Variants in NEBL observed in about 807,000 individuals in gnomAD.
NEBL encodes LIM and SH3 protein 2.
In NEBL, 122 loss-of-function variants were observed where a neutral mutation model predicts 140.2. The ratio of observed to expected loss-of-function variants is 0.87; its 90% CI spans 0.75 to 1.01. The LOEUF (loss-of-function observed/expected upper bound fraction) is 1.01, where lower values mean the gene tolerates loss of function less well. Ranked by LOEUF, NEBL falls within the 50% of genes least tolerant of loss-of-function variation. The probability of loss-of-function intolerance (pLI) is 0.00; values close to 1 mark genes in which losing one functional copy is unlikely to be tolerated. For synonymous variants in NEBL, 436 were observed against 398.9 expected (o/e 1.09, Z -1.11); for missense variants, 1,365 against 1,231.3 (o/e 1.11, Z -1.62).
chr10:20,834,255 G>A (rs1840682819), intron 14 of NEBL, among the ~76,000 whole-genome samples: 1 of 152,044 alleles, frequency 6.6e-6, no homozygotes, highest in Non-Finnish European at 1.5e-5. Context: ...ACATGTGTAT[G>A]TTTATCTATA....
intron 3 of NEBL, among the ~76,000 whole-genome samples, chr10:21,247,135 G>A (rs1190595512): frequency 6.6e-6 from 1 of 152,026 alleles, no homozygotes; most frequent in Non-Finnish European, 1.5e-5. Flanking sequence ...GTTTCCTGAG[G>A]ACTCCCCCGC....
chr10:20,819,210 C>T (rs1368169836), intron 20 of NEBL: 1 of 921,744 alleles, frequency 1.1e-6, no homozygotes, highest in East Asian at 3.1e-5. Flanking sequence ...GATCCTCTCC[C>T]TCCTCCCATC....
chr10:20,791,997 A>T (rs948196471), intron 26 of NEBL, among the ~76,000 whole-genome samples: 4 of 152,150 alleles, frequency 2.6e-5, no homozygotes, highest in African/African-American at 4.8e-5. Flanking sequence ...TTGAACAGGA[A>T]GGCAGCAAAA....
chr10:21,070,660 C>G (rs1835777279), intron 2 of NEBL, among the ~76,000 whole-genome samples: 1 of 152,086 alleles, frequency 6.6e-6, no homozygotes, highest in Non-Finnish European at 1.5e-5. Flanking sequence ...ATTAAATCTT[C>G]TATGTTATTT....
At chr10:21,108,013 T>G (rs11523372) in intron 2 of NEBL, among the ~76,000 whole-genome samples, 16,330 of 152,220 alleles carry the variant, frequency 0.11, 925 homozygotes, top group South Asian at 0.14. Context: ...TCGGTGGTGA[T>G]ATCCCCTTTA....
At chr10:21,239,472 G>C (rs540927980) in intron 3 of NEBL, among the ~76,000 whole-genome samples, 3 of 152,072 alleles carry the variant, frequency 2.0e-5, no homozygotes, top group African/African-American at 7.2e-5. Context: ...TCTCACTCCT[G>C]CCTTAGTCTT....
chr10:20,921,882 C>T (rs1442722450), intron 4 of NEBL, among the ~76,000 whole-genome samples: 1 of 152,116 alleles, frequency 6.6e-6, no homozygotes, highest in East Asian at 1.9e-4. Flanking sequence ...TTCATATATA[C>T]ACAAACATAT....
intron 4 of NEBL, among the ~76,000 whole-genome samples, chr10:20,940,957 C>CA (rs977462388): frequency 2.6e-5 from 4 of 151,922 alleles, no homozygotes; most frequent in Admixed American, 2.0e-4. Context: ...GCTTACCAAC[C>CA]AAAAAAAGTC....
At chr10:21,265,071 C>T (rs372824018) in intron 1 of NEBL, among the ~76,000 whole-genome samples, 286 of 151,808 alleles carry the variant, frequency 1.9e-3, no homozygotes, top group African/African-American at 6.2e-3. Context: ...TACAGGTGTG[C>T]GCCACCGTGC....
chr10:21,281,268 C>T (rs1240526036), intron 1 of NEBL, among the ~76,000 whole-genome samples: 1 of 152,100 alleles, frequency 6.6e-6, no homozygotes, highest in African/African-American at 2.4e-5. Context: ...GAGCTTCCAG[C>T]ACAAAATACC....
intron 2 of NEBL, among the ~76,000 whole-genome samples, chr10:21,120,077 T>C (rs1004228857): frequency 9.9e-5 from 15 of 151,958 alleles, no homozygotes; most frequent in Non-Finnish European, 2.2e-4. Context: ...TGATGTTAAA[T>C]TGTTTAAATT....
intron 25 of NEBL, 122 bp from the exon 26 acceptor site, chr10:20,808,781 A>G (rs1837859431): frequency 9.3e-6 from 10 of 1,075,266 alleles, no homozygotes; most frequent in Non-Finnish European, 1.4e-5. Flanking sequence ...ATAACTCAAA[A>G]TCTCAGCGCT....
intron 3 of NEBL, among the ~76,000 whole-genome samples, chr10:21,012,796 C>A (rs1027976537): frequency 1.8e-4 from 27 of 152,216 alleles, no homozygotes; most frequent in African/African-American, 6.5e-4. Context: ...GCCTGCCCAC[C>A]CAAAATACAG....
chr10:21,285,423 G>A (rs191976155), intron 1 of NEBL, among the ~76,000 whole-genome samples: 2 of 152,072 alleles, frequency 1.3e-5, no homozygotes, highest in East Asian at 3.9e-4. Context: ...TTCCTTTCTC[G>A]CCTACCTGGA....
At chr10:20,911,309 A>G (rs1007564167) in intron 4 of NEBL, among the ~76,000 whole-genome samples, 7 of 152,214 alleles carry the variant, frequency 4.6e-5, no homozygotes, top group Non-Finnish European at 1.0e-4. Context: ...AGTTAGCATG[A>G]ACAAACTTAG....
At chr10:20,799,643 A>G (rs1836904747) in intron 26 of NEBL, among the ~76,000 whole-genome samples, 1 of 152,228 alleles carries the variant, frequency 6.6e-6, no homozygotes, top group African/African-American at 2.4e-5. Flanking sequence ...CTCTTGCTGA[A>G]TGCACATTCT....
chr10:21,085,473 C>A (rs1017791334), intron 2 of NEBL, among the ~76,000 whole-genome samples: 8 of 151,914 alleles, frequency 5.3e-5, no homozygotes, highest in African/African-American at 1.9e-4. Context: ...AACAAACAAA[C>A]AAAAAAACTT....
intron 4 of NEBL, among the ~76,000 whole-genome samples, chr10:20,943,357 G>A (rs183930943): frequency 9.2e-5 from 14 of 152,226 alleles, no homozygotes; most frequent in South Asian, 6.2e-4. Flanking sequence ...ACCAAACACC[G>A]CATGTTCTCA....
chr10:21,043,991 G>A (rs76333139), intron 2 of NEBL, among the ~76,000 whole-genome samples: 2,582 of 152,190 alleles, frequency 0.017, 50 homozygotes, highest in Non-Finnish European at 0.024. Flanking sequence ...CTACAGATTC[G>A]TCTAAAAACA....
Sources: allele counts gnomAD v4.1 joint callset (sites outside exome capture counted in the v4.1 genomes callset), GRCh38; gene constraint gnomAD v4.1.1; transcripts MANE v1.5; gene names NCBI Gene and HGNC (gene_info 2026-07-23, HGNC 2026-07-21).